Variants in TNKS observed in about 807,000 individuals in gnomAD.
TNKS encodes poly [ADP-ribose] polymerase tankyrase-1.
Under a neutral mutation model 135.8 loss-of-function variants are expected in TNKS, and 72 were observed. That is an observed-to-expected ratio of 0.53 (90% confidence interval 0.44 to 0.64). The LOEUF (loss-of-function observed/expected upper bound fraction) is 0.64. TNKS is among the 30% of genes least tolerant of loss of function. The probability of loss-of-function intolerance (pLI) is 0.00; values close to 1 mark genes in which losing one functional copy is unlikely to be tolerated. For missense variants in TNKS, 1,769 were observed against 1,674.0 expected (o/e 1.06, Z -0.99); for synonymous variants, 849 against 649.3 (o/e 1.31, Z -4.68).
intron 20 of TNKS, among the ~76,000 whole-genome samples, chr8:9,758,512 A>G (rs11991831): frequency 0.1 from 15,877 of 152,246 alleles, 1,077 homozygotes; most frequent in African/African-American, 0.18. Context: ...CTGTGTAACA[A>G]ATTACCCAAA....
At position 9,704,722 on chromosome 8, in the gene TNKS, T is replaced by G. The variant is rs1298912535; in HGVS notation, c.1167T>G (p.Leu389=). The G allele has an allele frequency of 6.2e-7, 1 of 1,613,508 alleles. No individual in the cohort carries two copies. The highest frequency in any genetic ancestry group is 1.3e-5 in the African/African-American group (1 of 74,918). Reference sequence around the variant, plus strand: ...GAGTTCGAATAGTTCAGCTTCTTCTTCAGCATGGTGCTGATGTTCATGCAA... The same window carrying G: ...GAGTTCGAATAGTTCAGCTTCTTCTGCAGCATGGTGCTGATGTTCATGCAA... ...YNRVRIVQLL[L]QHGADVHAKD... is the part of the protein sequence containing the mutation. Residue 389 remains leucine, a synonymous_variant, in exon 6 of 27, where the codon CTT becomes CTG. Coordinates refer to ENST00000310430, the MANE Select transcript of TNKS (RefSeq NM_003747.3).
intron 3 of TNKS, among the ~76,000 whole-genome samples, chr8:9,634,587 A>G (rs1800432703): frequency 6.6e-6 from 1 of 152,218 alleles, no homozygotes. Flanking sequence ...AAGGGCTCTT[A>G]CTGTAGAAGA....
chr8:9,597,614 C>T (rs1798839970), intron 2 of TNKS, among the ~76,000 whole-genome samples: 1 of 152,164 alleles, frequency 6.6e-6, no homozygotes, highest in Admixed American at 6.5e-5. Context: ...ATTTTCCCCA[C>T]AAATATTTCA....
At position 9,555,998 on chromosome 8, in the gene TNKS, C is replaced by T. The variant is rs779979600; in HGVS notation, c.59C>T (p.Pro20Leu). The change falls in exon 1 of 27, where the codon CCC becomes CTC. Residue 20 changes from proline to leucine, a missense_variant. Pro to Leu is a moderately conservative substitution (Grantham distance 98). Around this residue, in one of 5 missense-constraint regions of TNKS, gnomAD observed 450 missense variants for 304.9 expected, o/e 1.48. Transcript: ENST00000310430. ...HHHHHQQQLQ[P>L]APGASAPPPP... ...CACCATCATCAACAACAGCTCCAGC[C>T]CGCCCCAGGGGCTTCAGCGCCGCCG... is the stretch of plus-strand genomic sequence containing the variant. The T allele has an allele frequency of 4.3e-6, 7 of 1,613,320 alleles. No homozygotes were observed. Among genetic ancestry groups the T allele is most frequent in the East Asian group, 2.2e-5 (1 of 44,886 alleles).
At chr8:9,560,493 CTTTT>C (rs535715245) in intron 1 of TNKS, among the ~76,000 whole-genome samples, 1,306 of 41,512 alleles carry the variant, frequency 0.031, 1 homozygote, top group South Asian at 0.058. Context: ...CCATACTTGT[CTTTT>C]TTTTTTTTTT....
intron 3 of TNKS, among the ~76,000 whole-genome samples, chr8:9,662,973 G>C (rs1801796437): frequency 6.6e-6 from 1 of 152,196 alleles, no homozygotes; most frequent in Non-Finnish European, 1.5e-5. Flanking sequence ...TTGAGATGGA[G>C]AGATTATCTT....
chr8:9,773,696 G>A (rs935849716), intron 26 of TNKS, among the ~76,000 whole-genome samples: 1 of 151,674 alleles, frequency 6.6e-6, no homozygotes, highest in Admixed American at 6.6e-5. Context: ...TAATTTTAGA[G>A]AGTGATTAGT....
intron 7 of TNKS, 133 bp downstream of exon 7, chr8:9,706,386 C>T: frequency 1.5e-6 from 1 of 685,874 alleles, no homozygotes; most frequent in Non-Finnish European, 2.3e-6. Flanking sequence ...TGTTTTGAGA[C>T]AGGGTCTTGC....
intron 2 of TNKS, among the ~76,000 whole-genome samples, chr8:9,598,526 T>A (rs940458631): frequency 6.6e-6 from 1 of 151,534 alleles, no homozygotes; most frequent in East Asian, 1.9e-4. Context: ...AGAAACTCCA[T>A]CTTTACTAAA....
At chr8:9,731,816 C>CT (rs1451714315) in intron 14 of TNKS, among the ~76,000 whole-genome samples, 10 of 152,154 alleles carry the variant, frequency 6.6e-5, no homozygotes, top group Admixed American at 6.5e-4. Flanking sequence ...GAGACAGAGT[C>CT]TCGCTCTGTC....
intron 3 of TNKS, among the ~76,000 whole-genome samples, chr8:9,637,872 A>G (rs754691314): frequency 3.9e-5 from 6 of 152,198 alleles, no homozygotes; most frequent in Non-Finnish European, 5.9e-5. Context: ...ATGTACTACT[A>G]TCACCAAAAG....
At chr8:9,743,202 T>G (rs569788830) in intron 17 of TNKS, among the ~76,000 whole-genome samples, 1 of 152,220 alleles carries the variant, frequency 6.6e-6, no homozygotes, top group Non-Finnish European at 1.5e-5. Context: ...AAGCAATTTA[T>G]AGAGCAACTG....
intron 5 of TNKS, among the ~76,000 whole-genome samples, chr8:9,689,495 TA>T (rs34443249): frequency 0.096 from 14,632 of 151,976 alleles, 958 homozygotes; most frequent in East Asian, 0.22. Flanking sequence ...TTTGATTTTA[TA>T]AAAAAAATGC....
chr8:9,565,403 T>G (rs1302736194), intron 1 of TNKS, among the ~76,000 whole-genome samples: 1 of 152,220 alleles, frequency 6.6e-6, no homozygotes, highest in African/African-American at 2.4e-5. Context: ...TGGACTTGTT[T>G]ATTTTTTCTT....
chr8:9,724,268 G>A (rs1271163508), intron 12 of TNKS, among the ~76,000 whole-genome samples: 1 of 151,968 alleles, frequency 6.6e-6, no homozygotes, highest in Non-Finnish European at 1.5e-5. Flanking sequence ...TGGGCAACAT[G>A]GCGAAACCCC....
intron 2 of TNKS, among the ~76,000 whole-genome samples, chr8:9,593,605 A>C (rs1349739195): frequency 2.0e-5 from 3 of 152,180 alleles, no homozygotes; most frequent in African/African-American, 7.2e-5. Flanking sequence ...AATTTAAACC[A>C]AGTGTAACTT....
chr8:9,767,831 C>T (rs185368402), intron 25 of TNKS, among the ~76,000 whole-genome samples: 5 of 151,726 alleles, frequency 3.3e-5, no homozygotes, highest in African/African-American at 7.3e-5. Context: ...TGGTGGCAGG[C>T]GCTTGTAGTC....
In TNKS at chr8:9,731,003, C is replaced by T; in HGVS notation, c.2115C>T (p.His705=). 6.2e-7 allele frequency: 1 copy of T among 1,612,990 alleles called. No homozygotes were observed. Among genetic ancestry groups the T allele is most frequent in the South Asian group, 1.1e-5 (1 of 90,842 alleles). ...TGTCTGTTGTAGAGTACCTGCTACA[C>T]CACGGTGCCGATGTCCATGCCAAAG... ...NRVSVVEYLL[H]HGADVHAKDK... Residue 705 remains histidine (H), a synonymous_variant, in exon 14 of 27, where the codon CAC becomes CAT. Transcript: ENST00000310430.
intron 17 of TNKS, chr8:9,741,781 C>G (rs1349694245): frequency 4.1e-6 from 2 of 487,540 alleles, no homozygotes; most frequent in African/African-American, 1.9e-5. Context: ...CCTTGTCTAA[C>G]TTCACGTTCC....
Sources: allele counts gnomAD v4.1 joint callset (sites outside exome capture counted in the v4.1 genomes callset), GRCh38; gene constraint gnomAD v4.1.1; regional missense constraint gnomAD v4.1.1; transcripts MANE v1.5; gene names NCBI Gene and HGNC (gene_info 2026-07-23, HGNC 2026-07-21).